Variants in COL6A2 observed in about 807,000 individuals in gnomAD.
COL6A2 encodes the protein collagen alpha-2(VI) chain.
COL6A2 carries 90 observed loss-of-function variants against 124.9 expected under a neutral mutation model. That is an observed-to-expected ratio of 0.72 (90% CI 0.61 to 0.86). The LOEUF (loss-of-function observed/expected upper bound fraction) is 0.86, where lower values mean the gene tolerates loss of function less well. Among genes scored for constraint, COL6A2 ranks in the 40% least tolerant of loss-of-function variants. The pLI is 0.00. For missense variants in COL6A2, 1,607 were observed against 1,502.5 expected, an observed-to-expected ratio of 1.07 and a Z score of -1.15; for synonymous variants, 793 against 618.2, an observed-to-expected ratio of 1.28 and a Z score of -4.19.
At position 46,131,971 on chromosome 21, in the gene COL6A2, T is replaced by A; in HGVS notation, c.2479T>A (p.Cys827Ser). The A allele has an allele frequency of 6.2e-7, 1 of 1,606,680 alleles. No individual in the cohort carries two copies. The highest frequency in any genetic ancestry group is 8.5e-7 in the Non-Finnish European group (1 of 1,178,142). The change falls in exon 28 of 28, where the codon TGC becomes AGC. Residue 827 changes from cysteine to serine, a missense_variant. By Grantham distance (112) the Cys-to-Ser change is moderately radical. Transcript: ENST00000300527. ...PCQTELSVAQ[C>S]TQRPVDIVFL... ...CCCCACAGAGCTGTCCGTGGCACAG[T>A]GCACGCAGCGGCCCGTGGACATCGT...
rs1293242821 is a variant in COL6A2, at chr21:46,122,174, G to A, written c.1572+16G>A. Reference sequence around the variant, plus strand: ...AGGAGCACCCGTGAGTCACAGCCTGGGATGGCAGCTCCCAGGAGTGGGTGG... The same window carrying A: ...AGGAGCACCCGTGAGTCACAGCCTGAGATGGCAGCTCCCAGGAGTGGGTGG... On this transcript the variant is annotated intron_variant, in intron 19 of 27. Transcript: ENST00000300527. 6.2e-7 allele frequency: 1 copy of A among 1,611,928 alleles called. No individual in the cohort carries two copies. Among genetic ancestry groups the A allele is most frequent in the Admixed American group, 1.7e-5 (1 of 59,920 alleles).
Position 46,116,099 on chromosome 21 carries a change from C to T in COL6A2, c.900+46C>T. ...GCTTGGCTCCACCCTGAGGCCCCAG[C>T]ACTGCCAGGCAGGCTCCCCCCAGCC... On this transcript the variant is annotated intron_variant, in intron 7 of 27. Transcript: ENST00000300527. This position sits in a 1 kb window ranked among gnomAD's most constrained non-coding sequence, Gnocchi z 4.6. 2 of 1,539,840 alleles carry T rather than the reference C, an allele frequency of 1.3e-6. No homozygotes were observed. The highest frequency in any genetic ancestry group is 2.4e-5 in the South Asian group (2 of 84,126).
chr21:46,122,293 G>T, intron 19 of COL6A2, 135 bp downstream of exon 19: 1 of 1,240,668 alleles, frequency 8.1e-7, no homozygotes, highest in South Asian at 1.3e-5. Context: ...GGGACAGAGT[G>T]GTGAGAAGGC....
intron 14 of COL6A2, 48 bp from the exon 15 acceptor site, chr21:46,119,740 G>A (rs1364404495): frequency 6.6e-7 from 1 of 1,523,414 alleles, no homozygotes; most frequent in South Asian, 1.2e-5. Context: ...CACAGGCTCT[G>A]GGCTTGGACT....
intron 19 of COL6A2, 66 bp downstream of exon 19, chr21:46,122,224 T>C (rs189605093): frequency 1.9e-4 from 299 of 1,545,054 alleles, no homozygotes; most frequent in Middle Eastern, 5.0e-4. Flanking sequence ...GCCCTGAAGA[T>C]TCCTAGTAGT....
chr21:46,102,507 G>A (rs755237343), intron 1 of COL6A2, among the ~76,000 whole-genome samples: 17 of 152,158 alleles, frequency 1.1e-4, no homozygotes, highest in Non-Finnish European at 2.4e-4. Context: ...TCACCACTGA[G>A]TATGATGTTC....
At chr21:46,131,396 G>C (rs1381535367) in intron 27 of COL6A2, among the ~76,000 whole-genome samples, 1 of 152,222 alleles carries the variant, frequency 6.6e-6, no homozygotes, top group South Asian at 2.1e-4. Flanking sequence ...TGCCACAGAA[G>C]GTCTGGCTGC....
rs748651138 is a variant in COL6A2, at chr21:46,119,107, C to A, written c.1257C>A (p.Pro419=). Reference sequence around the variant, plus strand: ...AGGGCGGGCCTGGGCCCCGCGGACCCAAAGGCGAGCCGGTGAGTCCCTCCT... The same window carrying A: ...AGGGCGGGCCTGGGCCCCGCGGACCAAAAGGCGAGCCGGTGAGTCCCTCCT... ...GAKGGPGPRG[P]KGEPGRRGDP... Residue 419 remains proline (P), a synonymous_variant, in exon 14 of 28, where the codon CCC becomes CCA. Transcript: ENST00000300527. 1.2e-6 allele frequency: 2 copies of A among 1,611,130 alleles called. No homozygotes were observed. Among genetic ancestry groups the A allele is most frequent in the Admixed American group, 1.7e-5 (1 of 59,910 alleles).
chr21:46,105,231 T>A (rs1214591272), intron 1 of COL6A2, among the ~76,000 whole-genome samples: 1 of 151,972 alleles, frequency 6.6e-6, no homozygotes, highest in Non-Finnish European at 1.5e-5. Context: ...AAAATATTTT[T>A]AAAAATCGAC....
chr21:46,132,639 C>T lies in COL6A2; in HGVS notation c.*87C>T, dbSNP rs566657125. 2.1e-4 allele frequency: 273 copies of T among 1,327,214 alleles called. 2 individuals are homozygous for T. The South Asian group carries it at 3.1e-3, about 15-fold the overall frequency. The allele number at this position is 1,327,214 out of a possible 1,614,324, so 82.2% of individuals were successfully genotyped here. On this transcript the variant is annotated 3_prime_UTR_variant, in exon 28 of 28. Transcript: ENST00000300527. ...GGCCCGGGTCCCACACGGCCAGCAC[C>T]GCTGCTCACTCGGACGACGCCCTGG... is the stretch of plus-strand genomic sequence containing the variant.
rs374669775 is a variant in COL6A2, at chr21:46,121,067, C to A, written c.1402C>A (p.Arg468=). The change falls in exon 17 of 28, where the codon CGA becomes AGA. Residue 468 remains arginine (R), a synonymous_variant. Coordinates refer to ENST00000300527, the MANE Select transcript of COL6A2 (RefSeq NM_001849.4). ...EVGNKGAKGD[R]GLPGPRGPQG... ...TTCCTCCCCTTTCTTCCAGGGAGAC[C>A]GAGGCTTGCCTGGACCCAGAGGCCC... is the stretch of plus-strand genomic sequence containing the variant. 3.7e-6 allele frequency: 6 copies of A among 1,612,598 alleles called. No homozygotes were observed. The highest frequency in any genetic ancestry group is 5.1e-6 in the Non-Finnish European group (6 of 1,179,908).
chr21:46,128,629 G>A (rs528995969), intron 27 of COL6A2, among the ~76,000 whole-genome samples: 1 of 152,242 alleles, frequency 6.6e-6, no homozygotes, highest in Non-Finnish European at 1.5e-5. Context: ...AAGGCAGTCA[G>A]GGCAGGGCGC....
intron 4 of COL6A2, chr21:46,113,805 C>T: frequency 1.5e-6 from 1 of 649,146 alleles, no homozygotes; most frequent in Admixed American, 2.2e-5. Context: ...GAGAGCCAAA[C>T]TCTTTGGCTT....
At chr21:46,106,306 G>A (rs1300549872) in intron 1 of COL6A2, among the ~76,000 whole-genome samples, 1 of 152,152 alleles carries the variant, frequency 6.6e-6, no homozygotes, top group East Asian at 1.9e-4. Context: ...TGTAATGATG[G>A]TCATATGTGG....
chr21:46,125,115 C>G (rs910566243), intron 23 of COL6A2, 151 bp from the exon 24 acceptor site: 1 of 1,019,026 alleles, frequency 9.8e-7, no homozygotes, highest in South Asian at 1.4e-5. Flanking sequence ...AGGGTGGCAG[C>G]GAGGTTGGTA....
chr21:46,120,064 G>A (rs188166497), intron 15 of COL6A2, among the ~76,000 whole-genome samples: 3 of 96,744 alleles, frequency 3.1e-5, no homozygotes, highest in Admixed American at 1.6e-4. Context: ...GGCACACCCC[G>A]CACAGCTGTG....
At chr21:46,107,221 T>G (rs77549152) in intron 1 of COL6A2, among the ~76,000 whole-genome samples, 2,276 of 152,226 alleles carry the variant, frequency 0.015, 54 homozygotes, top group African/African-American at 0.05. Context: ...TAGAAGAAAA[T>G]CAATAACTTT....
Position 46,111,557 on chromosome 21 carries a change from G to A in COL6A2, c.81G>A (p.Ser27=), listed in dbSNP as rs111639540. 3.6e-4 allele frequency: 588 copies of A among 1,612,856 alleles called. 4 individuals carry two copies. In the African/African-American group the frequency reaches 6.9e-3, roughly 19 times the overall value. Residue 27 remains serine (S), a synonymous_variant, in exon 2 of 28, where the codon TCG becomes TCA. Coordinates refer to ENST00000300527, the MANE Select transcript of COL6A2 (RefSeq NM_001849.4). The part of the protein sequence containing the change: ...AIQAQQQEVI[S]PDTTERNNNC... The stretch of plus-strand genomic sequence containing the variant: ...AGGCCCAGCAGCAGGAGGTCATCTC[G>A]CCGGACACTACCGAGAGAAACAACA...
intron 18 of COL6A2, 71 bp from the exon 19 acceptor site, chr21:46,122,037 C>A: frequency 6.6e-7 from 1 of 1,522,700 alleles, no homozygotes; most frequent in Non-Finnish European, 9.1e-7. Context: ...CACCTTGCGC[C>A]CTGTTGAGCA....
Sources: gnomAD v4.1 joint callset for allele counts (sites outside exome capture counted in the v4.1 genomes callset) on GRCh38, gnomAD v4.1.1 for gene constraint, Gnocchi (gnomAD v3.1) non-coding constraint, MANE v1.5 for transcripts, NCBI Gene and HGNC (gene_info 2026-07-23, HGNC 2026-07-21) for gene names.